Variants in ABCD3 observed in about 807,000 individuals in gnomAD.
ABCD3 encodes ATP-binding cassette sub-family D member 3.
In ABCD3, 41 loss-of-function variants were observed where a neutral mutation model predicts 105.5. That is an observed-to-expected ratio of 0.39 (90% CI 0.30 to 0.50). The LOEUF (loss-of-function observed/expected upper bound fraction) is 0.50, where lower values mean the gene tolerates loss of function less well. Among genes scored for constraint, ABCD3 ranks in the 20% least tolerant of loss-of-function variants. ABCD3 has a pLI of 0.84. For missense variants in ABCD3, 622 were observed against 806.3 expected (o/e 0.77, Z 2.77); for synonymous variants, 258 against 269.0 (o/e 0.96, Z 0.40).
intron 7 of ABCD3, 117 bp downstream of exon 7, chr1:94,475,854 T>G (rs1648712436): frequency 1.3e-6 from 1 of 796,194 alleles, no homozygotes; most frequent in African/African-American, 1.8e-5. Context: ...TATTTAATGC[T>G]TTTATAAGAA....
intron 10 of ABCD3, among the ~76,000 whole-genome samples, chr1:94,483,800 A>C (rs1452595795): frequency 1.3e-5 from 2 of 152,198 alleles, no homozygotes; most frequent in Non-Finnish European, 2.9e-5. Flanking sequence ...AATGGGATCT[A>C]ATTAAACTAA....
intron 22 of ABCD3, 25 bp from the exon 23 acceptor site, chr1:94,517,026 CT>C (rs1330467618): frequency 3.4e-5 from 52 of 1,540,744 alleles, no homozygotes; most frequent in East Asian, 6.8e-5. Context: ...TAGTTACTGA[CT>C]TTTTTTCCCC....
the ABCD3 span, among the ~76,000 whole-genome samples, chr1:94,389,955 C>T: frequency 5.9e-5 from 9 of 152,168 alleles, no homozygotes; most frequent in Admixed American, 1.3e-4. Context: ...TCTCTGCAGA[C>T]TATATTGTGA....
Position 94,487,746 on chromosome 1 carries a change from G to T in ABCD3, c.1020G>T (p.Leu340Phe). ...TTGTCAGTCGCCCTTTCTTAGATTT[G>T]TCTCATCCTCGACATCTCAAGAGTA... ...YLVVSRPFLD[L>F]SHPRHLKSTH... The change falls in exon 12 of 23, where the codon TTG becomes TTT. Residue 340 changes from leucine to phenylalanine, a missense_variant. This residue lies in a region of ABCD3 where 245 missense variants were observed against 356.4 expected (regional missense o/e 0.69). Coordinates refer to ENST00000370214, the MANE Select transcript of ABCD3 (RefSeq NM_002858.4). The T allele has an allele frequency of 6.2e-7, 1 of 1,613,980 alleles. No individual in the cohort carries two copies.
intron 1 of ABCD3, among the ~76,000 whole-genome samples, chr1:94,446,583 T>A (rs1660353211): frequency 6.6e-6 from 1 of 152,126 alleles, no homozygotes. Context: ...ACAGGAGGAT[T>A]TGGAAGCACA....
intron 1 of ABCD3, chr1:94,455,919 A>G (rs1378299501): frequency 1.0e-6 from 1 of 987,566 alleles, no homozygotes; most frequent in Admixed American, 4.3e-5. Flanking sequence ...GCAGTGTGGC[A>G]TTTTTATTGA....
chr1:94,485,117 G>T (rs1649222377), intron 10 of ABCD3, among the ~76,000 whole-genome samples: 1 of 152,196 alleles, frequency 6.6e-6, no homozygotes. Context: ...CTATGGGTCA[G>T]AGTTTACTGG....
At position 94,418,573 on chromosome 1, in the gene ABCD3, C is replaced by A; in HGVS notation, c.95C>A (p.Ala32Asp). The change falls in exon 1 of 23, where the codon GCC becomes GAC. Residue 32 changes from alanine (A) to aspartate (D), a missense_variant. By Grantham distance (126) the Ala-to-Asp change is moderately radical (BLOSUM62 -2). This residue lies in a region of ABCD3 where 89 missense variants were observed against 77.5 expected (regional missense o/e 1.15). Transcript: ENST00000370214. ...TGCCTGCTCCACAAGCGGCGCCGCGCCCTCGGCCTGCACGGGTAAGAAGGC... is the reference window on the plus strand; with the variant it reads ...TGCCTGCTCCACAAGCGGCGCCGCGACCTCGGCCTGCACGGGTAAGAAGGC... ...LLCLLHKRRRALGLHGKKSGK... is the reference protein window; with the variant it reads ...LLCLLHKRRRDLGLHGKKSGK... 5 of 1,599,524 alleles carry A rather than the reference C, an allele frequency of 3.1e-6. No individual in the cohort carries two copies. Among genetic ancestry groups the A allele is most frequent in the Non-Finnish European group, 3.4e-6 (4 of 1,177,824 alleles).
chr1:94,488,275 A>G (rs377643869), intron 13 of ABCD3, among the ~76,000 whole-genome samples: 1 of 152,118 alleles, frequency 6.6e-6, no homozygotes, highest in South Asian at 2.1e-4. Flanking sequence ...ACAGAAAACT[A>G]TGTTTATGAA....
upstream of ABCD3, among the ~76,000 whole-genome samples, chr1:94,416,592 C>G (rs1659024479): frequency 6.6e-6 from 1 of 152,194 alleles, no homozygotes; most frequent in Non-Finnish European, 1.5e-5. Flanking sequence ...CTGCCCTACT[C>G]TGGCCCTCCT....
intron 10 of ABCD3, among the ~76,000 whole-genome samples, chr1:94,485,852 A>G (rs946372639): frequency 1.3e-5 from 2 of 152,124 alleles, no homozygotes; most frequent in Admixed American, 6.5e-5. Flanking sequence ...TGTAATAGCT[A>G]TTTACATTGT....
intron 16 of ABCD3, among the ~76,000 whole-genome samples, chr1:94,494,777 G>A (rs184711179): frequency 7.2e-5 from 11 of 152,264 alleles, no homozygotes; most frequent in Admixed American, 6.5e-4. Flanking sequence ...GAAGTATGTA[G>A]ACTGGAGAGA....
chr1:94,470,874 G>A (rs992808396), intron 4 of ABCD3, among the ~76,000 whole-genome samples: 3 of 151,758 alleles, frequency 2.0e-5, no homozygotes, highest in African/African-American at 7.3e-5. Flanking sequence ...CATTTTTATA[G>A]CAATCATTCT....
intron 4 of ABCD3, 61 bp from the exon 5 acceptor site, chr1:94,473,705 T>G (rs184941967): frequency 8.0e-7 from 1 of 1,244,564 alleles, no homozygotes; most frequent in Admixed American, 1.7e-5. Flanking sequence ...TTTACAGAAG[T>G]TTTCCTAGTG....
chr1:94,458,407 A>C (rs193227849), intron 1 of ABCD3, among the ~76,000 whole-genome samples, 200 bp from the exon 2 acceptor site: 101 of 152,356 alleles, frequency 6.6e-4, no homozygotes, highest in African/African-American at 2.2e-3. Context: ...GTGGTAGTTA[A>C]AATTTATTAA....
rs777479426 is a variant in ABCD3, at chr1:94,498,774, C to T, written c.1465-9C>T. ...ACAATTGTTCTTCTCCCTTCTCTCT[C>T]TTTAATAGTTATGGCCTCTTTTTGG... On this transcript the variant is annotated splice_polypyrimidine_tract_variant and intron_variant, in intron 17 of 22. Coordinates refer to ENST00000370214, the MANE Select transcript of ABCD3 (RefSeq NM_002858.4). The T allele has an allele frequency of 5.0e-6, 8 of 1,613,558 alleles. No homozygotes were observed. Among genetic ancestry groups the T allele is most frequent in the Non-Finnish European group, 6.8e-6 (8 of 1,179,754 alleles).
Position 94,467,236 on chromosome 1 carries a change from C to T in ABCD3, c.247-683C>T, listed in dbSNP as rs901297338. On this transcript the variant is annotated intron_variant, in intron 3 of 22. Transcript: ENST00000370214. ...CCCATTAAATCCTTCATCTTTTTTA[C>T]CTTTAATCCTCATTCTCTTTTTTGT... Among the ~76,000 whole-genome samples the T allele has an allele frequency of 2.0e-5, 3 of 152,046 alleles. No homozygotes were observed. In the East Asian group the frequency reaches 5.8e-4, roughly 29 times the overall value.
Position 94,499,544 on chromosome 1 carries a change from G to A in ABCD3, c.1670G>A (p.Arg557His). 3 of 1,613,626 alleles carry A rather than the reference G, an allele frequency of 1.9e-6. No homozygotes were observed. Among genetic ancestry groups the A allele is most frequent in the Non-Finnish European group, 1.7e-6 (2 of 1,179,670 alleles). The change falls in exon 20 of 23, where the codon CGT (arginine) becomes CAT (histidine). Residue 557 changes from arginine (R) to histidine (H), a missense_variant. Coordinates refer to ENST00000370214, the MANE Select transcript of ABCD3 (RefSeq NM_002858.4). Reference protein sequence around the residue: ...DNVQLGHILEREGGWDSVQDW... With the variant: ...DNVQLGHILEHEGGWDSVQDW... Reference sequence around the variant, plus strand: ...GTCCAGTTGGGTCATATCCTTGAACGTGAAGGAGGCTGGGACAGTGTTCAG... The same window carrying A: ...GTCCAGTTGGGTCATATCCTTGAACATGAAGGAGGCTGGGACAGTGTTCAG...
At chr1:94,405,456 A>G in the ABCD3 span, among the ~76,000 whole-genome samples, 3 of 151,888 alleles carry the variant, frequency 2.0e-5, no homozygotes, top group African/African-American at 4.8e-5. Context: ...GGTTACAGGC[A>G]TGCACGCCTG....
Sources: gnomAD v4.1 joint callset for allele counts (sites outside exome capture counted in the v4.1 genomes callset) on GRCh38, gnomAD v4.1.1 for gene constraint, gnomAD v4.1.1 regional missense constraint, MANE v1.5 for transcripts, NCBI Gene and HGNC (gene_info 2026-07-23, HGNC 2026-07-21) for gene names.